BRDT: variants seen among roughly 807,000 people sequenced by gnomAD.
The protein encoded by BRDT is bromodomain testis associated.
A neutral mutation model predicts 113.9 loss-of-function variants in BRDT; 77 were observed. The ratio of observed to expected loss-of-function variants is 0.68; its 90% CI spans 0.56 to 0.82. The LOEUF (loss-of-function observed/expected upper bound fraction) is 0.82. BRDT is among the 40% of genes least tolerant of loss of function. BRDT has a pLI of 0.00. For synonymous variants in BRDT, 358 were observed against 366.5 expected (o/e 0.98, Z 0.26); for missense variants, 1,027 against 1,105.4 (o/e 0.93, Z 1.01).
intron 7 of BRDT, 35 bp from the exon 8 acceptor site, chr1:91,979,534 A>G (rs12739569): frequency 1.3e-5 from 21 of 1,572,534 alleles, no homozygotes; most frequent in Non-Finnish European, 1.7e-5. Context: ...AATAAAAAAT[A>G]CAGAAAACCA....
intron 1 of BRDT, among the ~76,000 whole-genome samples, chr1:91,957,191 GT>G (rs1484258083): frequency 6.6e-6 from 1 of 152,134 alleles, no homozygotes; most frequent in Non-Finnish European, 1.5e-5. Context: ...TTGTATGTGT[GT>G]TTTAATAGAT....
intron 18 of BRDT, among the ~76,000 whole-genome samples, chr1:92,009,743 ATTTT>A: frequency 6.7e-6 from 1 of 149,270 alleles, no homozygotes; most frequent in Middle Eastern, 3.4e-3. Context: ...TTATTTATTT[ATTTT>A]TTTTGTAGAG....
At chr1:92,009,404 A>AT (rs1687603645) in intron 18 of BRDT, among the ~76,000 whole-genome samples, 1 of 152,054 alleles carries the variant, frequency 6.6e-6, no homozygotes, top group Admixed American at 6.6e-5. Flanking sequence ...ACAATAGGTC[A>AT]TTTCTTTTTA....
chr1:91,995,466 A>AT (rs1166143079), intron 15 of BRDT, among the ~76,000 whole-genome samples: 2 of 138,996 alleles, frequency 1.4e-5, no homozygotes, highest in African/African-American at 2.8e-5. Flanking sequence ...TGTTGTTTAA[A>AT]TTTTTTTTTG....
intron 2 of BRDT, 130 bp from the exon 3 acceptor site, chr1:91,964,497 A>C: frequency 3.4e-6 from 2 of 588,098 alleles, no homozygotes; most frequent in South Asian, 6.5e-5. Context: ...GCCCAGCCAG[A>C]ATATGGCTTT....
At chr1:91,956,433 A>G (rs963410193) in intron 1 of BRDT, among the ~76,000 whole-genome samples, 15 of 151,880 alleles carry the variant, frequency 9.9e-5, no homozygotes, top group African/African-American at 3.6e-4. Context: ...ACTGTCCCTT[A>G]GAACTTTTCT....
chr1:91,987,648 GTTTTTGTTTTTTGT>G (rs71586729), intron 12 of BRDT, among the ~76,000 whole-genome samples: 1 of 150,730 alleles, frequency 6.6e-6, no homozygotes, highest in African/African-American at 2.4e-5. Context: ...GCCCGGCCTT[GTTTTTGTTTTTTGT>G]TTTTTGTTTT....
At chr1:92,000,804 G>A (rs1252398483) in intron 15 of BRDT, among the ~76,000 whole-genome samples, 1 of 152,112 alleles carries the variant, frequency 6.6e-6, no homozygotes, top group African/African-American at 2.4e-5. Context: ...AGAAAACTCA[G>A]CCCAAACTGA....
intron 4 of BRDT, among the ~76,000 whole-genome samples, chr1:91,974,517 A>G (rs1683933126): frequency 6.6e-6 from 1 of 152,268 alleles, no homozygotes; most frequent in African/African-American, 2.4e-5. Context: ...TGCAGCCAGC[A>G]GACACATGAA....
At chr1:91,998,435 C>T (rs1047592583) in intron 15 of BRDT, among the ~76,000 whole-genome samples, 2 of 152,106 alleles carry the variant, frequency 1.3e-5, no homozygotes, top group Non-Finnish European at 1.5e-5. Flanking sequence ...CAGCAAACCA[C>T]TATGGCACGT....
chr1:91,997,472 G>C (rs1180992301), intron 15 of BRDT, among the ~76,000 whole-genome samples: 2 of 152,134 alleles, frequency 1.3e-5, no homozygotes, highest in Admixed American at 1.3e-4. Flanking sequence ...AGCTAAAGTA[G>C]GAAAAAGTTA....
intron 12 of BRDT, among the ~76,000 whole-genome samples, chr1:91,987,648 G>C (rs199879818): frequency 6.6e-6 from 1 of 150,730 alleles, no homozygotes; most frequent in African/African-American, 2.4e-5. Flanking sequence ...GCCCGGCCTT[G>C]TTTTTGTTTT....
At chr1:91,990,178 T>C (rs1020671956) in intron 12 of BRDT, among the ~76,000 whole-genome samples, 2 of 152,112 alleles carry the variant, frequency 1.3e-5, no homozygotes, top group Non-Finnish European at 2.9e-5. Context: ...ACTAGAACCG[T>C]GTTGGAGAGA....
chr1:91,985,391 C>T (rs1384579888), intron 12 of BRDT, among the ~76,000 whole-genome samples: 1 of 151,850 alleles, frequency 6.6e-6, no homozygotes, highest in Non-Finnish European at 1.5e-5. Flanking sequence ...AATGGGGTTT[C>T]ATCATGATGG....
rs76629936 is a variant in BRDT at position 91,997,026 on chromosome 1, C to T, written c.2287+2772C>T. ...GACAAAATTCTAAGAAACAAAACCT[C>T]CTCAGTAAAAGTAGAAAAAAATAGT... On this transcript the variant is annotated intron_variant, in intron 15 of 18. Transcript: ENST00000399546. Among the ~76,000 whole-genome samples, 692 of 151,960 alleles carry T rather than the reference C, an allele frequency of 4.6e-3. 5 individuals carry two copies. Among genetic ancestry groups the T allele is most frequent in the African/African-American group, 0.016 (656 of 41,444 alleles).
intron 18 of BRDT, among the ~76,000 whole-genome samples, chr1:92,012,107 G>A (rs531925778): frequency 2.2e-4 from 33 of 152,070 alleles, no homozygotes; most frequent in African/African-American, 6.7e-4. Context: ...TTAGGAGTTC[G>A]AGACCAACAT....
intron 15 of BRDT, among the ~76,000 whole-genome samples, chr1:91,995,959 A>G (rs1686290343): frequency 6.6e-6 from 1 of 152,064 alleles, no homozygotes; most frequent in African/African-American, 2.4e-5. Context: ...CATTGTGGGG[A>G]AGGGAATGGA....
At chr1:91,964,022 C>T (rs907894356) in intron 2 of BRDT, among the ~76,000 whole-genome samples, 3 of 151,938 alleles carry the variant, frequency 2.0e-5, no homozygotes, top group Non-Finnish European at 4.4e-5. Context: ...CAGGCATGTG[C>T]CAGCACACCT....
intron 3 of BRDT, among the ~76,000 whole-genome samples, chr1:91,966,459 T>A (rs1466946779): frequency 6.6e-6 from 1 of 152,168 alleles, no homozygotes; most frequent in African/African-American, 2.4e-5. Flanking sequence ...CTTGATCTCC[T>A]GGGCTCAAGT....
Sources: allele counts gnomAD v4.1 joint callset (sites outside exome capture counted in the v4.1 genomes callset), GRCh38; gene constraint gnomAD v4.1.1; transcripts MANE v1.5; gene names NCBI Gene and HGNC (gene_info 2026-07-23, HGNC 2026-07-21).